Variants in NEDD4L observed in about 807,000 individuals in gnomAD.
The protein encoded by NEDD4L is NEDD4 like E3 ubiquitin protein ligase, also known as E3 ubiquitin-protein ligase NEDD4-like.
In NEDD4L, 54 loss-of-function variants were observed where a neutral mutation model predicts 148.9. The observed-to-expected ratio is 0.36, with a 90% confidence interval of 0.29 to 0.45. The LOEUF is 0.45. Ranked by LOEUF, NEDD4L falls within the 20% of genes least tolerant of loss-of-function variation. The pLI, the probability that NEDD4L is intolerant of heterozygous loss-of-function variation, is 1.00. For missense variants in NEDD4L, 856 were observed against 1,233.8 expected (o/e 0.69, Z 4.59); for synonymous variants, 433 against 440.7 (o/e 0.98, Z 0.22).
In NEDD4L at chr18:58,130,478, C is replaced by T. The variant is rs1185692507; in HGVS notation, c.49-35310C>T. ...TGGTTGTGATCTAGCGGAACTGTGG[C>T]GGTGTTGGGCTCTGTTGGGGTTTGG... is the stretch of plus-strand genomic sequence containing the variant. On this transcript the variant is annotated intron_variant, in intron 1 of 30. Coordinates refer to ENST00000400345, the MANE Select transcript of NEDD4L (RefSeq NM_001144967.3). Among the ~76,000 whole-genome samples the T allele has an allele frequency of 9.9e-4, 115 of 116,444 alleles. 1 individual carries two copies. Among genetic ancestry groups the T allele is most frequent in the African/African-American group, 3.3e-3 (95 of 28,754 alleles). The allele number at this position is 116,444 out of a possible 152,430, so 76.4% of individuals were successfully genotyped here.
intron 17 of NEDD4L, 132 bp from the exon 18 acceptor site, chr18:58,350,859 C>T (rs978186905): frequency 2.1e-5 from 13 of 631,532 alleles, no homozygotes; most frequent in South Asian, 6.3e-5. Flanking sequence ...ATTTAGTTCA[C>T]GCTCAATGCA....
intron 18 of NEDD4L, among the ~76,000 whole-genome samples, chr18:58,352,929 C>T (rs1204362000): frequency 2.0e-5 from 3 of 152,206 alleles, no homozygotes; most frequent in Non-Finnish European, 2.9e-5. Flanking sequence ...AAAGGGCTGT[C>T]GTAGCATGCG....
At chr18:58,069,889 T>A (rs1238425928) in intron 1 of NEDD4L, among the ~76,000 whole-genome samples, 1 of 152,228 alleles carries the variant, frequency 6.6e-6, no homozygotes, top group Non-Finnish European at 1.5e-5. Flanking sequence ...TTTAACCTGC[T>A]GCAATCCCAT....
At chr18:58,324,578 A>G (rs1263071085) in intron 8 of NEDD4L, among the ~76,000 whole-genome samples, 2 of 152,188 alleles carry the variant, frequency 1.3e-5, no homozygotes, top group African/African-American at 4.8e-5. Flanking sequence ...TTTACCTCAT[A>G]GAGGTGTTGA....
chr18:58,303,481 CTG>C (rs2056734876), intron 5 of NEDD4L, among the ~76,000 whole-genome samples: 2 of 152,152 alleles, frequency 1.3e-5, no homozygotes, highest in Non-Finnish European at 2.9e-5. Context: ...ATTCTGGAAA[CTG>C]TGTAACTTTT....
chr18:58,366,102 C>G lies in NEDD4L; in HGVS notation c.1937C>G (p.Ala646Gly). The G allele has an allele frequency of 6.2e-7, 1 of 1,613,592 alleles. No individual in the cohort carries two copies. The highest frequency in any genetic ancestry group is 2.2e-5 in the East Asian group (1 of 44,886). ...GTGAAAAGACCAGATGTCCTAAAAG[C>G]TAGACTGTGGATTGAGTTTGAATCA... ...MSVKRPDVLK[A>G]RLWIEFESEK... Residue 646 changes from alanine (A) to glycine (G), a missense_variant, in exon 21 of 31, where the codon GCT (alanine) becomes GGT (glycine). Coordinates refer to ENST00000400345, the MANE Select transcript of NEDD4L (RefSeq NM_001144967.3). The surrounding 1 kb of genome is among the most constrained non-coding windows in gnomAD (Gnocchi z 4.2).
chr18:58,044,967 C>CT lies in NEDD4L; in HGVS notation c.48+262dup, dbSNP rs1161863775. The CT allele has an allele frequency of 2.5e-4, 112 of 448,760 alleles. 1 individual carries two copies. Among genetic ancestry groups the CT allele is most frequent in the Admixed American group, 7.5e-4 (18 of 23,974 alleles). 27.8% of individuals were successfully genotyped at this position (448,760 alleles called of 1,614,324 possible). A position where few individuals can be genotyped will look rare whatever the true frequency, so the allele number is the denominator to read the frequency against. The stretch of plus-strand genomic sequence containing the variant: ...TGGGGGTTCACTCCGCAGCTCCTCG[C>CT]TTTCGGGAGGAGAGGGAGGGGGCAT... On this transcript the variant is annotated intron_variant, in intron 1 of 30. Coordinates refer to ENST00000400345, the MANE Select transcript of NEDD4L (RefSeq NM_001144967.3).
At chr18:58,264,654 T>G (rs1380073595) in intron 5 of NEDD4L, among the ~76,000 whole-genome samples, 1 of 152,066 alleles carries the variant, frequency 6.6e-6, no homozygotes, top group Non-Finnish European at 1.5e-5. Context: ...CAGACATTTG[T>G]GGCATCTGTG....
At chr18:58,094,375 C>T (rs1014626191) in intron 1 of NEDD4L, among the ~76,000 whole-genome samples, 7 of 151,820 alleles carry the variant, frequency 4.6e-5, no homozygotes, top group East Asian at 1.9e-4. Context: ...TTTATAGAGA[C>T]GGGATTTCTC....
intron 1 of NEDD4L, among the ~76,000 whole-genome samples, chr18:58,086,565 G>A (rs1264446825): frequency 6.6e-6 from 1 of 152,060 alleles, no homozygotes; most frequent in African/African-American, 2.4e-5. Context: ...CTCATTTTTA[G>A]CCTTTTTGTT....
intron 19 of NEDD4L, among the ~76,000 whole-genome samples, chr18:58,362,779 A>T (rs1293691241): frequency 6.6e-6 from 1 of 152,236 alleles, no homozygotes; most frequent in Non-Finnish European, 1.5e-5. Flanking sequence ...GTGAGAAATA[A>T]ACTAGAGAGG....
chr18:58,353,701 G>A (rs1164243268), intron 18 of NEDD4L, among the ~76,000 whole-genome samples: 1 of 152,188 alleles, frequency 6.6e-6, no homozygotes, highest in African/African-American at 2.4e-5. Context: ...GAATTACCTG[G>A]AAGATAACAT....
In NEDD4L at chr18:58,330,763, T is replaced by C. The variant is rs757226603; in HGVS notation, c.839T>C (p.Val280Ala). The change falls in exon 11 of 31, where the codon GTG becomes GCG. Residue 280 changes from valine to alanine, a missense_variant. Transcript: ENST00000400345. ...PEPWETISEEVNIAGDSLGLA... is the reference protein window; with the variant it reads ...PEPWETISEEANIAGDSLGLA... ...CCTTGGGAGACCATTTCAGAGGAAG[T>C]GAATATCGCTGGAGACTCTCTCGGT... 25 of 1,604,760 alleles carry C rather than the reference T, an allele frequency of 1.6e-5. No individual in the cohort carries two copies. The highest frequency in any genetic ancestry group is 2.7e-5 in the African/African-American group (2 of 74,616).
chr18:58,396,174 CG>C lies in NEDD4L; in HGVS notation c.2834del (p.Arg945ProfsTer127). 6.2e-7 allele frequency: 1 copy of C among 1,611,692 alleles called. No homozygotes were observed. Among genetic ancestry groups the C allele is most frequent in the East Asian group, 2.2e-5 (1 of 44,848 alleles). On this transcript the variant is annotated frameshift_variant, in exon 31 of 31. Coordinates refer to ENST00000400345, the MANE Select transcript of NEDD4L (RefSeq NM_001144967.3). LOFTEE classifies it high-confidence loss of function. ...TTTTTGTTCCTTTTGCAGCTTTAAT[CG>C]CCTTGACTTACCTCCATATGAAACC... is the stretch of plus-strand genomic sequence containing the variant. ...KLPRAHTCFN[R>X]LDLPPYETFE... is the part of the protein sequence containing the mutation.
chr18:58,230,768 C>T (rs1262711320), intron 2 of NEDD4L, among the ~76,000 whole-genome samples: 1 of 152,134 alleles, frequency 6.6e-6, no homozygotes, highest in African/African-American at 2.4e-5. Context: ...ATTTTCCAAA[C>T]ATGTAACCCT....
chr18:58,304,329 A>AC (rs893886150), intron 5 of NEDD4L, among the ~76,000 whole-genome samples: 1 of 150,116 alleles, frequency 6.7e-6, no homozygotes, highest in Non-Finnish European at 1.5e-5. Context: ...GACCACCTGG[A>AC]CAAGACCCTG....
intron 5 of NEDD4L, among the ~76,000 whole-genome samples, chr18:58,308,518 A>G (rs1360052458): frequency 1.3e-5 from 2 of 152,248 alleles, no homozygotes; most frequent in Non-Finnish European, 2.9e-5. Flanking sequence ...ACAACATTGA[A>G]GAGGCAGTCG....
intron 2 of NEDD4L, among the ~76,000 whole-genome samples, chr18:58,194,879 C>T (rs1290036619): frequency 3.9e-5 from 6 of 152,146 alleles, no homozygotes; most frequent in Non-Finnish European, 5.9e-5. Context: ...ATTGCAGGAC[C>T]GGTGGTCCAA....
At chr18:58,329,658 AT>A (rs1034872422) in intron 10 of NEDD4L, among the ~76,000 whole-genome samples, 3,451 of 135,536 alleles carry the variant, frequency 0.025, 78 homozygotes, top group African/African-American at 0.066. Flanking sequence ...ACAATGGCTA[AT>A]TTTTTTTTTT....
Sources: allele counts gnomAD v4.1 joint callset (sites outside exome capture counted in the v4.1 genomes callset), GRCh38; gene constraint gnomAD v4.1.1; non-coding constraint Gnocchi (gnomAD v3.1); transcripts MANE v1.5; gene names NCBI Gene and HGNC (gene_info 2026-07-23, HGNC 2026-07-21).